The following ZPBP variants were observed in gnomAD, a reference collection of about 807,000 sequenced individuals.
ZPBP encodes the protein zona pellucida-binding protein 1.
In ZPBP, 26 loss-of-function variants were observed where a neutral mutation model predicts 44.8. The ratio of observed to expected loss-of-function variants is 0.58; its 90% CI spans 0.43 to 0.81. The LOEUF (loss-of-function observed/expected upper bound fraction) is 0.81, where lower values mean the gene tolerates loss of function less well. Among genes scored for constraint, ZPBP ranks in the 30% least tolerant of loss-of-function variants. ZPBP has a pLI of 0.00. For synonymous variants in ZPBP, 174 were observed against 153.2 expected (o/e 1.14, Z -1.00); for missense variants, 409 against 434.0 (o/e 0.94, Z 0.51).
chr7:49,942,852 A>T (rs1296983768), intron 7 of ZPBP: 1 of 161,270 alleles, frequency 6.2e-6, no homozygotes, highest in Non-Finnish European at 1.3e-5. Context: ...CATGCACAAG[A>T]ATTGGTTGCA....
At chr7:49,896,134 A>G (rs1792372318) in intron 2 of ZPBP, among the ~76,000 whole-genome samples, 1 of 152,172 alleles carries the variant, frequency 6.6e-6, no homozygotes, top group South Asian at 2.1e-4. Context: ...TGAGGTTAGG[A>G]GTTTGAGACT....
At chr7:50,081,499 A>G (rs561875925) in intron 3 of ZPBP, among the ~76,000 whole-genome samples, 1 of 151,918 alleles carries the variant, frequency 6.6e-6, no homozygotes, top group East Asian at 1.9e-4. Flanking sequence ...AGTCATACAA[A>G]CAGTATTTTT....
At chr7:49,883,245 C>T (rs946114344) in intron 2 of ZPBP, among the ~76,000 whole-genome samples, 13 of 152,056 alleles carry the variant, frequency 8.5e-5, no homozygotes, top group Non-Finnish European at 1.3e-4. Context: ...CCCAGGGAGG[C>T]GTCTTTCCAG....
chr7:49,934,539 T>C (rs202135762), downstream of ZPBP, among the ~76,000 whole-genome samples: 892 of 152,190 alleles, frequency 5.9e-3, 6 homozygotes, highest in African/African-American at 0.02. Flanking sequence ...ACAATATGGA[T>C]AACAATTGTA....
intron 1 of ZPBP, among the ~76,000 whole-genome samples, chr7:50,090,721 G>C (rs1160387911): frequency 6.6e-6 from 1 of 151,826 alleles, no homozygotes; most frequent in Non-Finnish European, 1.5e-5. Flanking sequence ...TTGACTGATG[G>C]GCATTTGGGC....
intron 2 of ZPBP, among the ~76,000 whole-genome samples, chr7:49,895,555 A>G (rs1792343617): frequency 6.6e-6 from 1 of 152,208 alleles, no homozygotes; most frequent in South Asian, 2.1e-4. Context: ...GAGGCAAGAA[A>G]AGCATTATAT....
chr7:49,927,170 T>A (rs1173388789), intron 1 of ZPBP, among the ~76,000 whole-genome samples: 3 of 152,184 alleles, frequency 2.0e-5, no homozygotes, highest in Non-Finnish European at 2.9e-5. Flanking sequence ...TCACAGAGGA[T>A]CTCCCCAACT....
Position 50,018,236 on chromosome 7 carries a change from A to G in ZPBP, c.783+4T>C. 6.2e-7 allele frequency: 1 copy of G among 1,610,366 alleles called. No homozygotes were observed. The highest frequency in any genetic ancestry group is 8.5e-7 in the Non-Finnish European group (1 of 1,178,240). On this transcript the variant is annotated splice_donor_region_variant and intron_variant, in intron 6 of 7. Transcript: ENST00000046087. The stretch of plus-strand genomic sequence containing the variant: ...TTTCCTTTTACCAGCCTCACATAAC[A>G]TACCTTAAAAAGTCTTTTGTAAGGT...
chr7:49,889,924 A>G (rs1583763131), intron 2 of ZPBP, among the ~76,000 whole-genome samples: 1 of 152,188 alleles, frequency 6.6e-6, no homozygotes, highest in Non-Finnish European at 1.5e-5. Flanking sequence ...AGACAAATAT[A>G]TGTTTTGCAA....
In ZPBP at chr7:49,905,251, A is replaced by T. The variant is rs964644511; in HGVS notation, n.412-4036T>A. ...CTATGATGTATTAGGAAAAGGGGTA[A>T]AAGACAGTACTTATCATGAGAGTAC... On this transcript the variant is annotated intron_variant and non_coding_transcript_variant, in intron 1 of 2. Transcript: ENST00000465922. Among the ~76,000 whole-genome samples the T allele has an allele frequency of 2.0e-5, 3 of 152,192 alleles. No homozygotes were observed. The South Asian group carries it at 6.2e-4, about 32-fold the overall frequency.
In ZPBP at chr7:50,087,314, C is replaced by T. The variant is rs73337749; in HGVS notation, c.208+2315G>A. Among the ~76,000 whole-genome samples, 938 of 152,076 alleles carry T rather than the reference C, an allele frequency of 6.2e-3. 10 individuals carry two copies. The highest frequency in any genetic ancestry group is 0.022 in the African/African-American group (896 of 41,518). On this transcript the variant is annotated intron_variant, in intron 2 of 7. Coordinates refer to ENST00000046087, the MANE Select transcript of ZPBP (RefSeq NM_007009.3). ...TCTAGCAACATAAGAAAGGATTATA[C>T]ATCATAATCAACTGGAATTTATCCC...
intron 2 of ZPBP, among the ~76,000 whole-genome samples, chr7:49,855,369 T>G (rs1256046375): frequency 1.3e-5 from 2 of 152,076 alleles, no homozygotes; most frequent in African/African-American, 4.8e-5. Context: ...TTGCCTGGCA[T>G]TAGGTGGTAT....
chr7:50,039,033 CA>C (rs1799952053), intron 4 of ZPBP, among the ~76,000 whole-genome samples: 1 of 152,008 alleles, frequency 6.6e-6, no homozygotes, highest in Non-Finnish European at 1.5e-5. Context: ...AAGTTTCTGA[CA>C]AAAATTTGTA....
At chr7:49,951,692 G>A (rs1329760021) in intron 7 of ZPBP, among the ~76,000 whole-genome samples, 1 of 151,552 alleles carries the variant, frequency 6.6e-6, no homozygotes, top group African/African-American at 2.4e-5. Flanking sequence ...CACAGAATAA[G>A]TGGAAAATAA....
chr7:49,849,311 AG>A (rs1790082753), downstream of ZPBP, among the ~76,000 whole-genome samples: 5 of 152,316 alleles, frequency 3.3e-5, no homozygotes, highest in South Asian at 1.0e-3. Context: ...TCTGCTCAAA[AG>A]TAATTCCTTT....
At chr7:50,091,625 G>A (rs1197545291) in intron 1 of ZPBP, among the ~76,000 whole-genome samples, 1 of 152,144 alleles carries the variant, frequency 6.6e-6, no homozygotes, top group Non-Finnish European at 1.5e-5. Flanking sequence ...TAGATTATAA[G>A]CTCCATTGAT....
At chr7:49,856,612 T>C (rs1790426626) in intron 2 of ZPBP, among the ~76,000 whole-genome samples, 1 of 152,182 alleles carries the variant, frequency 6.6e-6, no homozygotes, top group African/African-American at 2.4e-5. Context: ...GTGTTTACAA[T>C]TTGGTGAGTT....
chr7:49,874,246 G>A (rs1791300692), intron 2 of ZPBP, among the ~76,000 whole-genome samples: 1 of 152,178 alleles, frequency 6.6e-6, no homozygotes, highest in African/African-American at 2.4e-5. Context: ...ACTGCACATA[G>A]GATGGTGGTC....
chr7:49,971,450 CAGAA>C (rs1220476811), intron 7 of ZPBP, among the ~76,000 whole-genome samples: 2 of 151,902 alleles, frequency 1.3e-5, no homozygotes, highest in African/African-American at 4.8e-5. Context: ...TTTATACAAA[CAGAA>C]AGAAAGATAA....
Sources: gnomAD v4.1 joint callset for allele counts (sites outside exome capture counted in the v4.1 genomes callset) on GRCh38, gnomAD v4.1.1 for gene constraint, MANE v1.5 for transcripts, NCBI Gene and HGNC (gene_info 2026-07-23, HGNC 2026-07-21) for gene names.